The following CTNND2 variants were observed in gnomAD, a reference collection of about 807,000 sequenced individuals.
CTNND2 encodes the protein catenin delta-2.
CTNND2 carries 22 observed loss-of-function variants against 144.4 expected under a neutral mutation model. That is an observed-to-expected ratio of 0.15 (90% CI 0.11 to 0.22). The LOEUF is 0.22. Among genes scored for constraint, CTNND2 ranks in the 10% least tolerant of loss-of-function variants. The pLI, the probability that CTNND2 is intolerant of heterozygous loss-of-function variation, is 1.00. For missense variants in CTNND2, 1,353 were observed against 1,618.8 expected (o/e 0.84, Z 2.82); for synonymous variants, 751 against 695.6 (o/e 1.08, Z -1.25).
intron 2 of CTNND2, among the ~76,000 whole-genome samples, chr5:11,569,820 A>G (rs759900115): frequency 6.6e-6 from 1 of 152,148 alleles, no homozygotes; most frequent in Non-Finnish European, 1.5e-5. Flanking sequence ...CCTCAAGATG[A>G]GGGTATTAGG....
intron 11 of CTNND2, among the ~76,000 whole-genome samples, chr5:11,199,164 G>A (rs891830512): frequency 2.6e-5 from 4 of 152,086 alleles, no homozygotes; most frequent in Non-Finnish European, 5.9e-5. Flanking sequence ...AAAGAGCCCT[G>A]GGTATTGTAC....
chr5:11,312,509 C>T (rs1044384352), intron 9 of CTNND2, among the ~76,000 whole-genome samples: 15 of 152,232 alleles, frequency 9.9e-5, no homozygotes, highest in Middle Eastern at 3.4e-3. Flanking sequence ...GACTTATTCA[C>T]TATCACGAGA....
At chr5:11,698,822 G>A (rs73059763) in intron 2 of CTNND2, among the ~76,000 whole-genome samples, 9,883 of 151,718 alleles carry the variant, frequency 0.065, 1,085 homozygotes, top group African/African-American at 0.22. Flanking sequence ...CATTAAACAG[G>A]TGATTTATTT....
At chr5:11,226,155 TCA>T (rs969074299) in intron 10 of CTNND2, among the ~76,000 whole-genome samples, 2 of 152,176 alleles carry the variant, frequency 1.3e-5, no homozygotes, top group African/African-American at 4.8e-5. Flanking sequence ...TCCACATCTC[TCA>T]GTTTGTGGCA....
At chr5:11,696,166 C>T (rs1291843899) in intron 2 of CTNND2, among the ~76,000 whole-genome samples, 1 of 152,220 alleles carries the variant, frequency 6.6e-6, no homozygotes, top group Non-Finnish European at 1.5e-5. Context: ...CTGTTCAGCA[C>T]TGCCATGTTA....
intron 16 of CTNND2, among the ~76,000 whole-genome samples, chr5:11,077,351 T>G (rs1315828037): frequency 2.6e-5 from 4 of 152,168 alleles, no homozygotes; most frequent in Admixed American, 6.6e-5. Context: ...GGTAAGATTT[T>G]AAGTACGGTG....
chr5:11,804,481 TA>T (rs1791885104), intron 1 of CTNND2, among the ~76,000 whole-genome samples: 1 of 152,110 alleles, frequency 6.6e-6, no homozygotes, highest in Non-Finnish European at 1.5e-5. Context: ...AATGGATAAA[TA>T]AACTGGTATA....
chr5:11,405,916 A>G (rs1435364729), intron 5 of CTNND2, among the ~76,000 whole-genome samples: 1 of 152,188 alleles, frequency 6.6e-6, no homozygotes, highest in Non-Finnish European at 1.5e-5. Context: ...TGGGAGGCCA[A>G]GGTGGGCGGA....
At position 11,592,170 on chromosome 5, in the gene CTNND2, T is replaced by G. The variant is rs1044368136; in HGVS notation, c.175-27114A>C. On this transcript the variant is annotated intron_variant, in intron 2 of 21. Transcript: ENST00000304623. ...TTCCTGCCTTCCTGCCTGCCTGCCT[T>G]CCTGCCTGCCTGCCTTCCTGCCTGC... Among the ~76,000 whole-genome samples, 226 of 113,290 alleles carry G rather than the reference T, an allele frequency of 2.0e-3. 2 individuals are homozygous for G. The highest frequency in any genetic ancestry group is 6.1e-3 in the African/African-American group (192 of 31,258). The allele number at this position is 113,290 out of a possible 152,430, so 74.3% of individuals were successfully genotyped here.
At chr5:11,077,507 A>G (rs1749073894) in intron 16 of CTNND2, among the ~76,000 whole-genome samples, 2 of 152,222 alleles carry the variant, frequency 1.3e-5, no homozygotes, top group African/African-American at 4.8e-5. Flanking sequence ...ACAGTCAACC[A>G]GTGGCCTCAG....
At chr5:11,750,999 T>C (rs1038143860) in intron 1 of CTNND2, among the ~76,000 whole-genome samples, 3 of 151,852 alleles carry the variant, frequency 2.0e-5, no homozygotes, top group East Asian at 1.9e-4. Flanking sequence ...TAAGATTTCA[T>C]AGACACTCAC....
intron 14 of CTNND2, among the ~76,000 whole-genome samples, chr5:11,104,413 A>G (rs1158159672): frequency 6.6e-6 from 1 of 152,220 alleles, no homozygotes; most frequent in Non-Finnish European, 1.5e-5. Flanking sequence ...ATTAAGCTGC[A>G]GCCAGCACTA....
At chr5:11,291,950 A>T (rs1002990473) in intron 9 of CTNND2, among the ~76,000 whole-genome samples, 2 of 149,430 alleles carry the variant, frequency 1.3e-5, no homozygotes, top group East Asian at 2.0e-4. Context: ...CCCTAAATTT[A>T]AAAAAAAAAA....
intron 7 of CTNND2, among the ~76,000 whole-genome samples, chr5:11,380,925 A>T (rs1465725284): frequency 6.6e-6 from 1 of 152,170 alleles, no homozygotes; most frequent in African/African-American, 2.4e-5. Flanking sequence ...TTTGATTCTG[A>T]CAGATATCAC....
intron 1 of CTNND2, among the ~76,000 whole-genome samples, chr5:11,780,088 G>A (rs1022977213): frequency 2.0e-5 from 3 of 152,188 alleles, no homozygotes; most frequent in African/African-American, 4.8e-5. Context: ...AAAAACGAGA[G>A]AGGAGGAGCT....
intron 16 of CTNND2, among the ~76,000 whole-genome samples, chr5:11,069,018 G>A (rs990677231): frequency 7.2e-5 from 11 of 152,254 alleles, no homozygotes; most frequent in African/African-American, 2.2e-4. Context: ...GTCCGTGTCC[G>A]TGTTCCCACA....
rs557826532 is a variant in CTNND2, at chr5:11,741,097, A to G, written c.38-8825T>C. ...ATGCTGGAGAGGATGTGGAGAAATA[A>G]GAATGCTTTTACACTGTTGGTGGGA... is the stretch of plus-strand genomic sequence containing the variant. On this transcript the variant is annotated intron_variant, in intron 1 of 21. Coordinates refer to ENST00000304623, the MANE Select transcript of CTNND2 (RefSeq NM_001332.4). Among the ~76,000 whole-genome samples, 11 of 152,236 alleles carry G rather than the reference A, an allele frequency of 7.2e-5. No homozygotes were observed. In the East Asian group the frequency reaches 2.1e-3, roughly 29 times the overall value.
At chr5:11,819,791 T>G (rs578137399) in intron 1 of CTNND2, among the ~76,000 whole-genome samples, 1 of 152,272 alleles carries the variant, frequency 6.6e-6, no homozygotes, top group South Asian at 2.1e-4. Context: ...TCTTGGAAGT[T>G]TATGATATTC....
chr5:11,802,521 C>T (rs1012100971), intron 1 of CTNND2, among the ~76,000 whole-genome samples: 1 of 151,066 alleles, frequency 6.6e-6, no homozygotes, highest in Admixed American at 6.6e-5. Flanking sequence ...GAGCTGAGAT[C>T]GTGCCATTGC....
Sources: allele counts gnomAD v4.1 joint callset (sites outside exome capture counted in the v4.1 genomes callset), GRCh38; gene constraint gnomAD v4.1.1; transcripts MANE v1.5; gene names NCBI Gene and HGNC (gene_info 2026-07-23, HGNC 2026-07-21).